SND1: variants seen among roughly 807,000 people sequenced by gnomAD.
SND1 encodes staphylococcal nuclease and tudor domain containing 1, also known as staphylococcal nuclease domain-containing protein 1.
In SND1, 38 loss-of-function variants were observed where a neutral mutation model predicts 121.7. The observed-to-expected ratio is 0.31, with a 90% CI of 0.24 to 0.41. SND1 has a LOEUF of 0.41. SND1 is among the 10% of genes least tolerant of loss of function. The probability of loss-of-function intolerance (pLI) is 1.00; values close to 1 mark genes in which losing one functional copy is unlikely to be tolerated. For synonymous variants in SND1, 401 were observed against 447.4 expected (o/e 0.90, Z 1.31); for missense variants, 868 against 1,184.6 (o/e 0.73, Z 3.92).
At chr7:127,745,447 G>A (rs1796964366) in intron 10 of SND1, among the ~76,000 whole-genome samples, 1 of 152,206 alleles carries the variant, frequency 6.6e-6, no homozygotes, top group South Asian at 2.1e-4. Flanking sequence ...ATGGAAACAA[G>A]GGACTTGATT....
chr7:127,712,687 A>G (rs1419304951), intron 9 of SND1, among the ~76,000 whole-genome samples: 8 of 152,160 alleles, frequency 5.3e-5, no homozygotes, highest in Non-Finnish European at 1.5e-5. Flanking sequence ...CTACTCATCC[A>G]TCTGCTTTCC....
chr7:127,827,445 C>T (rs1334390592), intron 11 of SND1, among the ~76,000 whole-genome samples: 6 of 152,142 alleles, frequency 3.9e-5, no homozygotes, highest in Admixed American at 1.3e-4. Context: ...ACATCTCTTT[C>T]AAAATACCCC....
intron 10 of SND1, among the ~76,000 whole-genome samples, chr7:127,800,007 A>G (rs1473607349): frequency 2.6e-5 from 4 of 152,222 alleles, no homozygotes; most frequent in African/African-American, 9.7e-5. Context: ...TTTTATAGAA[A>G]TGTGCTACTG....
chr7:128,024,649 A>G (rs1215450171), intron 16 of SND1, among the ~76,000 whole-genome samples: 1 of 152,182 alleles, frequency 6.6e-6, no homozygotes. Context: ...TGGCCTCAAT[A>G]CATGTTAAAT....
intron 17 of SND1, among the ~76,000 whole-genome samples, chr7:128,077,004 G>A (rs1257047238): frequency 6.6e-6 from 1 of 152,168 alleles, no homozygotes; most frequent in African/African-American, 2.4e-5. Context: ...GGGCAGACCT[G>A]AGGACCAAGG....
At chr7:127,743,305 G>A (rs1490217937) in intron 10 of SND1, among the ~76,000 whole-genome samples, 1 of 152,162 alleles carries the variant, frequency 6.6e-6, no homozygotes, top group Non-Finnish European at 1.5e-5. Flanking sequence ...TGGGAACCTC[G>A]GTGTGCAAGG....
At chr7:127,917,819 A>T (rs1247965264) in intron 14 of SND1, among the ~76,000 whole-genome samples, 1 of 152,226 alleles carries the variant, frequency 6.6e-6, no homozygotes, top group East Asian at 1.9e-4. Context: ...GGAATCACAG[A>T]GCAAATTTCA....
chr7:128,006,227 G>GGTGC (rs200202031), intron 16 of SND1, among the ~76,000 whole-genome samples: 5,605 of 152,038 alleles, frequency 0.037, 277 homozygotes, highest in African/African-American at 0.11. Context: ...GCATGGGAAG[G>GGTGC]GTGCGTGCGT....
chr7:128,006,926 G>A (rs1013555475), intron 16 of SND1, among the ~76,000 whole-genome samples: 9 of 152,236 alleles, frequency 5.9e-5, no homozygotes, highest in Non-Finnish European at 1.2e-4. Context: ...CGAGCACACA[G>A]CCAGCCTTCT....
At chr7:127,994,568 AAAAAAAAAAAAAAAAAAC>A (rs1291618424) in intron 16 of SND1, among the ~76,000 whole-genome samples, 1 of 149,316 alleles carries the variant, frequency 6.7e-6, no homozygotes, top group Non-Finnish European at 1.5e-5. Context: ...AAAAAAAAAA[AAAAAAAAAAAAAAAAAAC>A]AGTAAATTCA....
chr7:128,068,211 T>C (rs915808229), intron 16 of SND1, among the ~76,000 whole-genome samples: 2 of 152,060 alleles, frequency 1.3e-5, no homozygotes. Flanking sequence ...TCTTAAATAA[T>C]CTTCCCCACA....
chr7:127,805,002 G>A (rs897645196), intron 10 of SND1, among the ~76,000 whole-genome samples: 2 of 151,968 alleles, frequency 1.3e-5, no homozygotes, highest in Non-Finnish European at 2.9e-5. Context: ...GTTTATTACC[G>A]GCACCTGGTA....
intron 12 of SND1, among the ~76,000 whole-genome samples, chr7:127,885,653 T>TA (rs1249453573): frequency 6.6e-6 from 1 of 152,102 alleles, no homozygotes; most frequent in African/African-American, 2.4e-5. Context: ...TAATTCTGTG[T>TA]ATTGATTTGA....
chr7:128,080,016 T>C (rs532896674), intron 17 of SND1, among the ~76,000 whole-genome samples: 6 of 152,358 alleles, frequency 3.9e-5, no homozygotes, highest in African/African-American at 1.2e-4. Context: ...TACCTCAGTT[T>C]TCCCATTTGT....
intron 15 of SND1, among the ~76,000 whole-genome samples, chr7:127,961,679 C>T (rs1801733071): frequency 2.0e-5 from 3 of 152,170 alleles, no homozygotes; most frequent in Admixed American, 1.3e-4. Context: ...TTTTTAGTAT[C>T]GTTGTGGGCT....
At chr7:127,881,752 T>G (rs1799794954) in intron 12 of SND1, among the ~76,000 whole-genome samples, 1 of 152,122 alleles carries the variant, frequency 6.6e-6, no homozygotes, top group Non-Finnish European at 1.5e-5. Flanking sequence ...CAATTTTTTT[T>G]GTTTTTGAGA....
intron 8 of SND1, 141 bp downstream of exon 8, chr7:127,705,086 A>G: frequency 1.5e-6 from 1 of 673,100 alleles, no homozygotes; most frequent in East Asian, 2.7e-5. Context: ...CTTATAGAGG[A>G]GTGACTTAAA....
At chr7:128,078,031 G>A (rs1793535060) in intron 17 of SND1, among the ~76,000 whole-genome samples, 1 of 152,242 alleles carries the variant, frequency 6.6e-6, no homozygotes, top group African/African-American at 2.4e-5. Flanking sequence ...GCTGTGAGGG[G>A]CTGAGGATGG....
rs75124415 is a variant in SND1, at chr7:127,875,106, G to A, written c.1344-12796G>A. ...TCTCTCTGGATCTGTCTTCATCTGC[G>A]TATGAAGGCATTTGGATTAGTTTCT... On this transcript the variant is annotated intron_variant, in intron 12 of 23. Coordinates refer to ENST00000354725, the MANE Select transcript of SND1 (RefSeq NM_014390.4). Among the ~76,000 whole-genome samples, 1,217 of 152,192 alleles carry A rather than the reference G, an allele frequency of 8.0e-3. 17 individuals carry two copies. The highest frequency in any genetic ancestry group is 0.027 in the African/African-American group (1,110 of 41,526).
Sources: gnomAD v4.1 joint callset for allele counts (sites outside exome capture counted in the v4.1 genomes callset) on GRCh38, gnomAD v4.1.1 for gene constraint, MANE v1.5 for transcripts, NCBI Gene and HGNC (gene_info 2026-07-23, HGNC 2026-07-21) for gene names.